PALB2: variants seen among roughly 807,000 people sequenced by gnomAD.
PALB2 encodes the protein partner and localizer of BRCA2.
In PALB2, 82 loss-of-function variants were observed where a neutral mutation model predicts 107.4. The ratio of observed to expected loss-of-function variants is 0.76; its 90% confidence interval spans 0.64 to 0.92. The LOEUF (loss-of-function observed/expected upper bound fraction) is 0.92, where lower values mean the gene tolerates loss of function less well. Among genes scored for constraint, PALB2 ranks in the 40% least tolerant of loss-of-function variants. PALB2 has a pLI of 0.00. For missense variants in PALB2, 1,374 were observed against 1,379.9 expected, an observed-to-expected ratio of 1.00 and a Z score of 0.07; for synonymous variants, 489 against 496.8, an observed-to-expected ratio of 0.98 and a Z score of 0.21.
intron 1 of PALB2, chr16:23,638,489 C>A: frequency 2.2e-6 from 1 of 463,118 alleles, no homozygotes; most frequent in Non-Finnish European, 4.2e-6. Flanking sequence ...TTCTCTGTTT[C>A]TCCCCATCAT....
Position 23,636,241 on chromosome 16 carries a change from AC to A in PALB2, c.304del (p.Val102LeufsTer75). On this transcript the variant is annotated frameshift_variant, in exon 4 of 13. Coordinates refer to ENST00000261584, the MANE Select transcript of PALB2 (RefSeq NM_024675.4). LOFTEE classifies it high-confidence loss of function. ...TGEKTSITLD[V>X]GPESFNPGDG... ...TCCAGGGTTAAAGGACTCAGGCCCA[AC>A]ATCAAGTGTGATAGATGTCTTTTCT... 1.9e-6 allele frequency: 3 copies of A among 1,613,942 alleles called. No individual in the cohort carries two copies. Among genetic ancestry groups the A allele is most frequent in the Non-Finnish European group, 2.5e-6 (3 of 1,179,964 alleles).
At chr16:23,610,133 C>T (rs1287774941) in intron 11 of PALB2, among the ~76,000 whole-genome samples, 1 of 152,158 alleles carries the variant, frequency 6.6e-6, no homozygotes, top group African/African-American at 2.4e-5. Context: ...AACACAGCTA[C>T]ATCTATCCAT....
At chr16:23,640,609 C>G (rs1967203187) in intron 1 of PALB2, 1 of 233,846 alleles carries the variant, frequency 4.3e-6, no homozygotes, top group African/African-American at 2.2e-5. Context: ...GGTAGATAAA[C>G]ATGTCCTGAC....
chr16:23,637,330 G>A (rs1420776518), intron 3 of PALB2, among the ~76,000 whole-genome samples: 1 of 152,062 alleles, frequency 6.6e-6, no homozygotes, highest in Admixed American at 6.6e-5. Flanking sequence ...GGGAAAAAGA[G>A]CAAGAGAGGG....
chr16:23,608,801 T>TATATACACACACAC (rs560756242), intron 11 of PALB2, among the ~76,000 whole-genome samples: 45 of 143,794 alleles, frequency 3.1e-4, no homozygotes, highest in East Asian at 6.2e-4. Flanking sequence ...TGTATATATA[T>TATATACACACACAC]ACACACACAC....
intron 10 of PALB2, among the ~76,000 whole-genome samples, chr16:23,615,539 A>G (rs1470259365): frequency 6.6e-6 from 1 of 151,864 alleles, no homozygotes; most frequent in Non-Finnish European, 1.5e-5. Context: ...TCCTGGGCTC[A>G]AGCAATCCTC....
rs74854537 is a variant in PALB2 at position 23,614,379 on chromosome 16, A to T, written c.3114-288T>A. 1.5e-3 allele frequency among the ~76,000 whole-genome samples: 230 copies of T among 152,318 alleles called. 4 individuals carry two copies. In the East Asian group the frequency reaches 0.038, roughly 25 times the overall value. ...ATCATCTCATTCAACCTGGTATTGA[A>T]ATCAGGCACATGGTATAGCAGTATC... is the stretch of plus-strand genomic sequence containing the variant. On this transcript the variant is annotated intron_variant, in intron 10 of 12. Coordinates refer to ENST00000261584, the MANE Select transcript of PALB2 (RefSeq NM_024675.4).
intron 12 of PALB2, among the ~76,000 whole-genome samples, chr16:23,606,583 T>G (rs1966478684): frequency 6.6e-6 from 1 of 152,148 alleles, no homozygotes; most frequent in African/African-American, 2.4e-5. Flanking sequence ...TGCAGTGCAG[T>G]GGTACAATCT....
rs200658756 is a variant in PALB2, at chr16:23,631,482, AT to A, written c.1685-1014del. Among the ~76,000 whole-genome samples the A allele has an allele frequency of 8.2e-3, 1,250 of 152,018 alleles. 42 individuals are homozygous for A. Among genetic ancestry groups the A allele is most frequent in the Admixed American group, 0.055 (832 of 15,210 alleles). On this transcript the variant is annotated intron_variant, in intron 4 of 12. Coordinates refer to ENST00000261584, the MANE Select transcript of PALB2 (RefSeq NM_024675.4). Reference sequence around the variant, plus strand: ...AGATTCTGTCTCAAAAAATAAATAAATAAATAAAACCAAACCAAACAAAACA... The same window carrying A: ...AGATTCTGTCTCAAAAAATAAATAAAAAATAAAACCAAACCAAACAAAACA...
chr16:23,606,821 C>CCTTTT (rs1555458112), intron 12 of PALB2, among the ~76,000 whole-genome samples: 1 of 108,592 alleles, frequency 9.2e-6, no homozygotes, highest in Non-Finnish European at 1.8e-5. Flanking sequence ...CTGCACCCTG[C>CCTTTT]TTTTTTTTTT....
At chr16:23,619,197 C>A (rs75729870) in intron 10 of PALB2, among the ~76,000 whole-genome samples, 5,044 of 152,198 alleles carry the variant, frequency 0.033, 114 homozygotes, top group Middle Eastern at 0.088. Flanking sequence ...AAAGAAAAAA[C>A]ATCAATCTAT....
In PALB2 at chr16:23,621,171, C is replaced by G. The variant is rs79054780; in HGVS notation, c.3113+191G>C. 1.3e-3 allele frequency among the ~76,000 whole-genome samples: 199 copies of G among 152,354 alleles called. 1 individual carries two copies. Among genetic ancestry groups the G allele is most frequent in the African/African-American group, 4.4e-3 (185 of 41,588 alleles). On this transcript the variant is annotated intron_variant, in intron 10 of 12. Coordinates refer to ENST00000261584, the MANE Select transcript of PALB2 (RefSeq NM_024675.4). ...GTTGCAGTGAGCCGAGATCATACCA[C>G]TGTACTCCCACCTGGGTGATAGGAG...
rs780985758 is a variant in PALB2, at chr16:23,629,787, C to A, written c.2367G>T (p.Leu789=). The change falls in exon 5 of 13, where the codon CTG becomes CTT. Residue 789 remains leucine, a synonymous_variant. Coordinates refer to ENST00000261584, the MANE Select transcript of PALB2 (RefSeq NM_024675.4). The part of the protein sequence containing the change: ...SGSPAKPHTT[L]QVSGRQGQPT... ...GTTGTCCTTGCCTGCCTGACACTTGCAGGGTGGTATGTGGTTTTGCTGGGC... is the reference window on the plus strand; with the variant it reads ...GTTGTCCTTGCCTGCCTGACACTTGAAGGGTGGTATGTGGTTTTGCTGGGC... The A allele has an allele frequency of 6.2e-7, 1 of 1,614,180 alleles. No individual in the cohort carries two copies. Among genetic ancestry groups the A allele is most frequent in the Non-Finnish European group, 8.5e-7 (1 of 1,180,032 alleles).
At chr16:23,615,598 C>G (rs948722006) in intron 10 of PALB2, among the ~76,000 whole-genome samples, 1 of 152,158 alleles carries the variant, frequency 6.6e-6, no homozygotes, top group Non-Finnish European at 1.5e-5. Flanking sequence ...AGAGACTGCA[C>G]CTGGTTCATG....
intron 5 of PALB2, among the ~76,000 whole-genome samples, 175 bp downstream of exon 5, chr16:23,629,465 A>G (rs1966854748): frequency 6.6e-6 from 1 of 152,256 alleles, no homozygotes; most frequent in African/African-American, 2.4e-5. Context: ...AAACATTTTA[A>G]TGAACCTTAA....
In PALB2 at chr16:23,630,300, G is replaced by A. The variant is rs2142387653; in HGVS notation, c.1854C>T (p.Asp618=). 2 of 1,614,132 alleles carry A rather than the reference G, an allele frequency of 1.2e-6. No individual in the cohort carries two copies. The highest frequency in any genetic ancestry group is 1.7e-6 in the Non-Finnish European group (2 of 1,180,030). Residue 618 remains aspartate (D), a synonymous_variant, in exon 5 of 13, where the codon GAC becomes GAT. Transcript: ENST00000261584. ...CTTTTTCAAGCTTAAGAGGTCCAAA[G>A]TCTTCATCAGGTAACTGAAAGTCTG... ...SITDFQLPDE[D]FGPLKLEKVK...
chr16:23,620,380 C>T (rs916287300), intron 10 of PALB2, among the ~76,000 whole-genome samples: 1 of 152,158 alleles, frequency 6.6e-6, no homozygotes, highest in African/African-American at 2.4e-5. Context: ...CTTTGGTTCT[C>T]TAAGCCAGTG....
chr16:23,609,837 G>A (rs370217615), intron 11 of PALB2, among the ~76,000 whole-genome samples: 1 of 151,920 alleles, frequency 6.6e-6, no homozygotes, highest in Admixed American at 6.6e-5. Flanking sequence ...TTTTTGGGGG[G>A]ATAGGGTCTC....
intron 4 of PALB2, among the ~76,000 whole-genome samples, chr16:23,632,289 C>T (rs1357691087): frequency 6.6e-6 from 1 of 151,964 alleles, no homozygotes; most frequent in Non-Finnish European, 1.5e-5. Flanking sequence ...ACTAAAAATA[C>T]AAAAATTACC....
Sources: allele counts gnomAD v4.1 joint callset (sites outside exome capture counted in the v4.1 genomes callset), GRCh38; gene constraint gnomAD v4.1.1; transcripts MANE v1.5; gene names NCBI Gene and HGNC (gene_info 2026-07-23, HGNC 2026-07-21).